The following NSMCE2 variants were observed in gnomAD, a reference collection of about 807,000 sequenced individuals.
The protein encoded by NSMCE2 is NSE2 SUMO ligase component of SMC5/6 complex.
NSMCE2 carries 24 observed loss-of-function variants against 23.8 expected under a neutral mutation model. The ratio of observed to expected loss-of-function variants is 1.01; its 90% CI spans 0.73 to 1.42. The LOEUF (loss-of-function observed/expected upper bound fraction) is 1.42, where lower values mean the gene tolerates loss of function less well. Ranked by LOEUF, NSMCE2 falls within the 40% of genes most tolerant of loss-of-function variation. The probability of loss-of-function intolerance (pLI) is 0.00; values close to 1 mark genes in which losing one functional copy is unlikely to be tolerated. For synonymous variants in NSMCE2, 92 were observed against 94.1 expected, an observed-to-expected ratio of 0.98 and a Z score of 0.13; for missense variants, 284 against 296.5, an observed-to-expected ratio of 0.96 and a Z score of 0.31.
intron 5 of NSMCE2, among the ~76,000 whole-genome samples, chr8:125,288,035 G>C (rs1292572703): frequency 6.6e-6 from 1 of 151,936 alleles, no homozygotes; most frequent in Non-Finnish European, 1.5e-5. Context: ...TATGTTGCCC[G>C]GGCTCTTCAC....
In NSMCE2 at chr8:125,357,235, C is replaced by T; in HGVS notation, c.435C>T (p.Asp145=). The stretch of plus-strand genomic sequence containing the variant: ...TTCCTCTAGGTGGTCTTCAAGCTGA[C>T]AGAGAAGCTGACGGAACAGAAGGAG... The part of the protein sequence containing the change: ...ELKKQCGLQA[D]READGTEGVD... Residue 145 remains aspartate (D), a synonymous_variant, in exon 6 of 8, where the codon GAC becomes GAT. Transcript: ENST00000287437. 1.2e-6 allele frequency: 2 copies of T among 1,612,324 alleles called. No homozygotes were observed. The highest frequency in any genetic ancestry group is 2.2e-5 in the East Asian group (1 of 44,870).
At chr8:125,283,627 C>T (rs1563762402) in intron 5 of NSMCE2, among the ~76,000 whole-genome samples, 1 of 152,116 alleles carries the variant, frequency 6.6e-6, no homozygotes, top group Non-Finnish European at 1.5e-5. Context: ...TCAATAAGAT[C>T]AGGATAACAT....
intron 3 of NSMCE2, among the ~76,000 whole-genome samples, chr8:125,150,426 CTTTTTTTTTT>C (rs71295819): frequency 1.3e-4 from 8 of 61,848 alleles, no homozygotes; most frequent in African/African-American, 2.9e-4. Flanking sequence ...TTCTTTCTTT[CTTTTTTTTTT>C]TTTTTTTTTT....
At chr8:125,123,621 A>G (rs1266792300) in intron 3 of NSMCE2, among the ~76,000 whole-genome samples, 1 of 152,202 alleles carries the variant, frequency 6.6e-6, no homozygotes, top group Admixed American at 6.5e-5. Flanking sequence ...CACACACACA[A>G]GTGTGCATCT....
chr8:125,103,072 C>G (rs753570364), intron 3 of NSMCE2, among the ~76,000 whole-genome samples: 2 of 152,100 alleles, frequency 1.3e-5, no homozygotes, highest in Non-Finnish European at 2.9e-5. Context: ...TTGAGACCAG[C>G]CTGGCCAATA....
At chr8:125,159,947 G>A (rs867056073) in intron 4 of NSMCE2, among the ~76,000 whole-genome samples, 1 of 149,460 alleles carries the variant, frequency 6.7e-6, no homozygotes, top group Non-Finnish European at 1.5e-5. Context: ...GTGACAGAGT[G>A]AGACTCTGTC....
intron 3 of NSMCE2, among the ~76,000 whole-genome samples, chr8:125,102,693 C>T (rs1818255703): frequency 6.6e-6 from 1 of 152,090 alleles, no homozygotes; most frequent in East Asian, 1.9e-4. Flanking sequence ...AGTTAAGTTC[C>T]ATGAGAAACT....
intron 3 of NSMCE2, among the ~76,000 whole-genome samples, chr8:125,104,861 C>T (rs1563652011): frequency 1.3e-5 from 2 of 152,154 alleles, no homozygotes; most frequent in South Asian, 4.1e-4. Flanking sequence ...AACCCTGTCT[C>T]TACTAAAAAA....
intron 5 of NSMCE2, among the ~76,000 whole-genome samples, chr8:125,187,454 A>G (rs1823155570): frequency 6.6e-6 from 1 of 152,314 alleles, no homozygotes; most frequent in African/African-American, 2.4e-5. Context: ...TAATTTAGCT[A>G]GACAATATGG....
At chr8:125,146,654 CCAAA>C in intron 3 of NSMCE2, among the ~76,000 whole-genome samples, 1 of 152,148 alleles carries the variant, frequency 6.6e-6, no homozygotes, top group East Asian at 1.9e-4. Flanking sequence ...GGACAGAAAA[CCAAA>C]CACCGCATGT....
chr8:125,265,159 AT>A (rs34556365), intron 5 of NSMCE2, among the ~76,000 whole-genome samples: 4,680 of 150,384 alleles, frequency 0.031, 213 homozygotes, highest in African/African-American at 0.11. Context: ...GCTTTATTTA[AT>A]TTTTTTTTGG....
At chr8:125,112,793 A>G (rs1330409414) in intron 3 of NSMCE2, among the ~76,000 whole-genome samples, 1 of 152,148 alleles carries the variant, frequency 6.6e-6, no homozygotes, top group Non-Finnish European at 1.5e-5. Flanking sequence ...CAAAATTACC[A>G]TTAGGAGGAA....
At chr8:125,300,090 A>T (rs1405897352) in intron 5 of NSMCE2, among the ~76,000 whole-genome samples, 3 of 151,186 alleles carry the variant, frequency 2.0e-5, no homozygotes, top group African/African-American at 7.3e-5. Context: ...AAATGCTGGG[A>T]TTACAGGCAT....
At chr8:125,231,276 T>G (rs1825311023) in intron 5 of NSMCE2, among the ~76,000 whole-genome samples, 2 of 152,194 alleles carry the variant, frequency 1.3e-5, no homozygotes, top group Admixed American at 1.3e-4. Context: ...TCAGTAGATG[T>G]GATTAAATGG....
intron 5 of NSMCE2, among the ~76,000 whole-genome samples, chr8:125,189,730 G>A (rs1415257677): frequency 6.6e-6 from 1 of 152,050 alleles, no homozygotes; most frequent in Non-Finnish European, 1.5e-5. Context: ...CAGTAGAAAA[G>A]GTTAAAAATT....
intron 2 of NSMCE2, 79 bp from the exon 3 acceptor site, chr8:125,102,238 A>G: frequency 1.1e-6 from 1 of 911,068 alleles, no homozygotes; most frequent in East Asian, 2.4e-5. Context: ...ATGAATGTTT[A>G]CAGCAGTTTT....
intron 5 of NSMCE2, among the ~76,000 whole-genome samples, chr8:125,340,691 T>C (rs1433944094): frequency 6.6e-6 from 1 of 152,240 alleles, no homozygotes; most frequent in Non-Finnish European, 1.5e-5. Flanking sequence ...TCAAGTAACC[T>C]AATCTACTTT....
chr8:125,308,116 C>T (rs534307660), intron 5 of NSMCE2, among the ~76,000 whole-genome samples: 8 of 152,098 alleles, frequency 5.3e-5, no homozygotes, highest in Middle Eastern at 3.2e-3. Flanking sequence ...CTGTTTGTTT[C>T]CTAGTCTCGG....
chr8:125,273,370 T>C (rs1005523653), intron 5 of NSMCE2, among the ~76,000 whole-genome samples: 1 of 152,238 alleles, frequency 6.6e-6, no homozygotes, highest in African/African-American at 2.4e-5. Flanking sequence ...CAAAGATTTA[T>C]TGAAGTGATA....
Sources: gnomAD v4.1 joint callset for allele counts (sites outside exome capture counted in the v4.1 genomes callset) on GRCh38, gnomAD v4.1.1 for gene constraint, MANE v1.5 for transcripts, NCBI Gene and HGNC (gene_info 2026-07-23, HGNC 2026-07-21) for gene names.